The following BCAS3 variants were observed in gnomAD, a reference collection of about 807,000 sequenced individuals.
The protein encoded by BCAS3 is BCAS4/BCAS3 fusion.
BCAS3 carries 53 observed loss-of-function variants against 116.1 expected under a neutral mutation model. The observed-to-expected ratio is 0.46, with a 90% CI of 0.37 to 0.57. The LOEUF is 0.57. Ranked by LOEUF, BCAS3 falls within the 20% of genes least tolerant of loss-of-function variation. BCAS3 has a pLI of 0.00. For synonymous variants in BCAS3, 391 were observed against 408.2 expected (o/e 0.96, Z 0.51); for missense variants, 917 against 1,165.4 (o/e 0.79, Z 3.10).
intron 9 of BCAS3, among the ~76,000 whole-genome samples, chr17:60,880,334 G>C (rs974595067): frequency 1.8e-4 from 27 of 152,200 alleles, no homozygotes; most frequent in Middle Eastern, 3.4e-3. Flanking sequence ...CTGTCGCCAG[G>C]CTGGAGTGCT....
intron 4 of BCAS3, among the ~76,000 whole-genome samples, chr17:60,705,826 A>T (rs1017201364): frequency 6.6e-6 from 1 of 152,180 alleles, no homozygotes; most frequent in Non-Finnish European, 1.5e-5. Flanking sequence ...TGGCACTGAA[A>T]TGAAAGCAAA....
Position 60,935,501 on chromosome 17 carries a change from T to A in BCAS3, c.1087+11001T>A, listed in dbSNP as rs1293487079. Among the ~76,000 whole-genome samples, 37 of 152,190 alleles carry A rather than the reference T, an allele frequency of 2.4e-4. 1 individual carries two copies. The highest frequency in any genetic ancestry group is 1.0e-4 in the Non-Finnish European group (7 of 68,034). ...TGCCTGCCTACCCAGTCATCTTTTT[T>A]ATGGATCAGCCATTTTTCTTATATA... On this transcript the variant is annotated intron_variant, in intron 13 of 23. Coordinates refer to ENST00000407086, the MANE Select transcript of BCAS3 (RefSeq NM_017679.5).
Position 61,278,424 on chromosome 17 carries a change from C to T in BCAS3, c.2426-89903C>T, listed in dbSNP as rs2050959324. 6.6e-6 allele frequency among the ~76,000 whole-genome samples: 1 copy of T among 152,210 alleles called. No individual in the cohort carries two copies. The highest frequency in any genetic ancestry group is 2.4e-5 in the African/African-American group (1 of 41,446). On this transcript the variant is annotated intron_variant, in intron 22 of 23. Transcript: ENST00000407086. The surrounding 1 kb of genome is among the most constrained non-coding windows in gnomAD (Gnocchi z 5.8). ...TCCTGGGCTCACATGATCCACCCAC[C>T]TTGGCCTCCCACAGTGCTGGGTTTA...
chr17:60,739,274 A>G, intron 5 of BCAS3, among the ~76,000 whole-genome samples: 1 of 152,230 alleles, frequency 6.6e-6, no homozygotes, highest in Middle Eastern at 3.2e-3. Flanking sequence ...AATTGAGTAC[A>G]TTATTGCTAT....
chr17:61,124,323 G>A lies in BCAS3; in HGVS notation c.2425+39759G>A, dbSNP rs2075949778. On this transcript the variant is annotated intron_variant, in intron 22 of 23. Transcript: ENST00000407086. The surrounding 1 kb of genome is among the most constrained non-coding windows in gnomAD (Gnocchi z 4.6). ...TAATTGCCCTTGGGTTCTTTTCCTG[G>A]TATCTCGAGCCACCAAGATATAGCT... Among the ~76,000 whole-genome samples, 1 of 151,886 alleles carries A rather than the reference G, an allele frequency of 6.6e-6. No individual in the cohort carries two copies. The highest frequency in any genetic ancestry group is 2.1e-4 in the South Asian group (1 of 4,802).
intron 22 of BCAS3, among the ~76,000 whole-genome samples, chr17:61,358,389 A>G (rs1430753059): frequency 6.6e-6 from 1 of 152,172 alleles, no homozygotes; most frequent in Non-Finnish European, 1.5e-5. Flanking sequence ...CTGTGTTAAA[A>G]TGGCAATGAG....
At position 61,106,995 on chromosome 17, in the gene BCAS3, AT is replaced by A. The variant is rs1568365587; in HGVS notation, c.2425+22432del. On this transcript the variant is annotated intron_variant, in intron 22 of 23. Transcript: ENST00000407086. This position sits in a 1 kb window ranked among gnomAD's most constrained non-coding sequence, Gnocchi z 4.2. ...GCCAGGTTGCCCTAAGTAAAGTTCT[AT>A]CAATTTGTGCTTCATTCATTCATTC... is the stretch of plus-strand genomic sequence containing the variant. Among the ~76,000 whole-genome samples the A allele has an allele frequency of 6.6e-6, 1 of 151,290 alleles. No homozygotes were observed. The highest frequency in any genetic ancestry group is 1.9e-4 in the East Asian group (1 of 5,158).
At chr17:60,727,027 T>C (rs1345496488) in intron 5 of BCAS3, 3 of 244,876 alleles carry the variant, frequency 1.2e-5, no homozygotes, top group Non-Finnish European at 2.3e-5. Flanking sequence ...CTTTAACAGA[T>C]ACCTTTTAAA....
chr17:61,015,354 T>C (rs1003983338), intron 15 of BCAS3, among the ~76,000 whole-genome samples: 2 of 152,216 alleles, frequency 1.3e-5, no homozygotes, highest in African/African-American at 4.8e-5. Flanking sequence ...GCAGGGGTGC[T>C]ATCATAGCTC....
intron 22 of BCAS3, among the ~76,000 whole-genome samples, chr17:61,146,698 C>A (rs573266873): frequency 6.6e-6 from 1 of 152,248 alleles, no homozygotes; most frequent in African/African-American, 2.4e-5. Context: ...TTGTGACTCT[C>A]ATAATCAGAG....
In BCAS3 at chr17:61,315,530, C is replaced by T. The variant is rs1195710374; in HGVS notation, c.2426-52797C>T. Among the ~76,000 whole-genome samples the T allele has an allele frequency of 6.6e-6, 1 of 152,192 alleles. No individual in the cohort carries two copies. Among genetic ancestry groups the T allele is most frequent in the Non-Finnish European group, 1.5e-5 (1 of 68,030 alleles). On this transcript the variant is annotated intron_variant, in intron 22 of 23. Transcript: ENST00000407086. This position sits in a 1 kb window ranked among gnomAD's most constrained non-coding sequence, Gnocchi z 5.3. ...TCAGGCTTCCTAGAGCAAAGAAGCC[C>T]ATGGAAGAGGTTGCACAGCGTCGCT... is the stretch of plus-strand genomic sequence containing the variant.
rs2075955017 is a variant in BCAS3 at position 61,124,411 on chromosome 17, T to C, written c.2425+39847T>C. 6.6e-6 allele frequency among the ~76,000 whole-genome samples: 1 copy of C among 152,182 alleles called. No homozygotes were observed. The highest frequency in any genetic ancestry group is 2.1e-4 in the South Asian group (1 of 4,820). ...GATTATAATATAACAATGCATCTTTTTATTTAGTTTGTTAACTACATTCTA... is the reference window on the plus strand; with the variant it reads ...GATTATAATATAACAATGCATCTTTCTATTTAGTTTGTTAACTACATTCTA... On this transcript the variant is annotated intron_variant, in intron 22 of 23. Transcript: ENST00000407086. The surrounding 1 kb of genome is among the most constrained non-coding windows in gnomAD (Gnocchi z 4.6).
intron 13 of BCAS3, among the ~76,000 whole-genome samples, chr17:60,927,601 T>G (rs1207612832): frequency 6.6e-6 from 1 of 152,188 alleles, no homozygotes; most frequent in Admixed American, 6.5e-5. Flanking sequence ...CTACTAAAGT[T>G]CTTCTGGAAT....
At chr17:60,682,379 A>C (rs1341000663) in intron 2 of BCAS3, among the ~76,000 whole-genome samples, 1 of 152,170 alleles carries the variant, frequency 6.6e-6, no homozygotes, top group African/African-American at 2.4e-5. Context: ...GAGGTAGCCT[A>C]ATAATTTTCT....
At position 61,233,569 on chromosome 17, in the gene BCAS3, A is replaced by C. The variant is rs1036844853; in HGVS notation, c.2426-134758A>C. On this transcript the variant is annotated intron_variant, in intron 22 of 23. Coordinates refer to ENST00000407086, the MANE Select transcript of BCAS3 (RefSeq NM_017679.5). The surrounding 1 kb of genome is among the most constrained non-coding windows in gnomAD (Gnocchi z 4.3). Reference sequence around the variant, plus strand: ...AGCCAGTAGACTTGATTTGGAGATGAAGCATATACCGAACTTGAAGACTGG... The same window carrying C: ...AGCCAGTAGACTTGATTTGGAGATGCAGCATATACCGAACTTGAAGACTGG... Among the ~76,000 whole-genome samples the C allele has an allele frequency of 1.3e-5, 2 of 152,208 alleles. No homozygotes were observed. Among genetic ancestry groups the C allele is most frequent in the Admixed American group, 6.6e-5 (1 of 15,264 alleles).
chr17:60,952,610 G>A (rs1328278527), intron 14 of BCAS3, among the ~76,000 whole-genome samples: 3 of 152,126 alleles, frequency 2.0e-5, no homozygotes, highest in East Asian at 1.9e-4. Flanking sequence ...GTGAGCCACC[G>A]TGCCTGGCCT....
At chr17:61,119,822 T>C (rs1291734544) in intron 22 of BCAS3, among the ~76,000 whole-genome samples, 2 of 152,070 alleles carry the variant, frequency 1.3e-5, no homozygotes, top group Non-Finnish European at 2.9e-5. Flanking sequence ...TGTAAAACAT[T>C]CATACTATTT....
intron 16 of BCAS3, among the ~76,000 whole-genome samples, chr17:61,016,314 G>GA (rs1431270751): frequency 6.6e-6 from 1 of 152,164 alleles, no homozygotes; most frequent in East Asian, 1.9e-4. Flanking sequence ...TTAGTACTTT[G>GA]AAAAAATCAT....
chr17:61,176,557 T>TTATG (rs2079163280), intron 22 of BCAS3, among the ~76,000 whole-genome samples: 1 of 150,740 alleles, frequency 6.6e-6, no homozygotes, highest in South Asian at 2.1e-4. Context: ...ATTTATTTAT[T>TTATG]TATTTATTTA....
Sources: allele counts gnomAD v4.1 joint callset (sites outside exome capture counted in the v4.1 genomes callset), GRCh38; gene constraint gnomAD v4.1.1; non-coding constraint Gnocchi (gnomAD v3.1); transcripts MANE v1.5; gene names NCBI Gene and HGNC (gene_info 2026-07-23, HGNC 2026-07-21).